The following PECAM1 variants were observed in gnomAD, a reference collection of about 807,000 sequenced individuals.
The protein encoded by PECAM1 is platelet endothelial cell adhesion molecule.
Under a neutral mutation model 13.8 loss-of-function variants are expected in PECAM1, and 8 were observed. The ratio of observed to expected loss-of-function variants is 0.58; its 90% confidence interval spans 0.34 to 1.05. The LOEUF (loss-of-function observed/expected upper bound fraction) is 1.05, where lower values mean the gene tolerates loss of function less well. PECAM1 is among the 50% of genes least tolerant of loss of function. The pLI, the probability that PECAM1 is intolerant of heterozygous loss-of-function variation, is 0.03. For synonymous variants in PECAM1, 136 were observed against 52.6 expected (o/e 2.58, Z -6.86); for missense variants, 304 against 141.2 (o/e 2.15, Z -5.84).
At chr17:64,383,131 C>A (rs955173426) in intron 2 of PECAM1, among the ~76,000 whole-genome samples, 17 of 152,316 alleles carry the variant, frequency 1.1e-4, no homozygotes, top group African/African-American at 3.6e-4. Flanking sequence ...CACTCCACTG[C>A]GTGCTCTCCA....
chr17:64,386,658 G>A (rs970330127), intron 2 of PECAM1, among the ~76,000 whole-genome samples: 1 of 151,982 alleles, frequency 6.6e-6, no homozygotes, highest in Non-Finnish European at 1.5e-5. Context: ...GCAGCTGGGT[G>A]TGGTGGCTCA....
chr17:64,376,952 G>T (rs2036372663), intron 3 of PECAM1, among the ~76,000 whole-genome samples: 1 of 152,026 alleles, frequency 6.6e-6, no homozygotes, highest in African/African-American at 2.4e-5. Context: ...CTTTAGCCTG[G>T]GTGACAGAGG....
Position 64,323,470 on chromosome 17 carries a change from A to G in PECAM1, c.*346T>C. The G allele has an allele frequency of 8.1e-7, 1 of 1,233,420 alleles. No homozygotes were observed. The highest frequency in any genetic ancestry group is 1.8e-5 in the South Asian group (1 of 56,606). 76.4% of individuals were successfully genotyped at this position (1,233,420 alleles called of 1,614,324 possible). On this transcript the variant is annotated 3_prime_UTR_variant, in exon 16 of 16. Coordinates refer to ENST00000563924, the MANE Select transcript of PECAM1 (RefSeq NM_000442.5). ...AATTGGTTTCTGTGTATGAGGGTGCATGGAAAAGGTCTTTATCTCTGCACA... is the reference window on the plus strand; with the variant it reads ...AATTGGTTTCTGTGTATGAGGGTGCGTGGAAAAGGTCTTTATCTCTGCACA...
At chr17:64,343,159 A>G (rs1426836131) in intron 13 of PECAM1, among the ~76,000 whole-genome samples, 2 of 152,102 alleles carry the variant, frequency 1.3e-5, no homozygotes, top group African/African-American at 2.4e-5. Flanking sequence ...TGCCATGGTC[A>G]GTGCATTTCC....
At chr17:64,347,744 T>A (rs1036092999) in intron 13 of PECAM1, among the ~76,000 whole-genome samples, 3 of 141,082 alleles carry the variant, frequency 2.1e-5, no homozygotes, top group Non-Finnish European at 3.0e-5. Context: ...ATATATATAT[T>A]TTTTGAGATG....
intron 14 of PECAM1, among the ~76,000 whole-genome samples, chr17:64,333,999 T>C (rs1161023785): frequency 2.2e-5 from 3 of 135,176 alleles, no homozygotes; most frequent in Non-Finnish European, 4.7e-5. Context: ...AATTCTACCA[T>C]ACATCTCTAG....
chr17:64,342,805 TAC>T (rs2035468130), intron 13 of PECAM1, among the ~76,000 whole-genome samples: 1 of 151,994 alleles, frequency 6.6e-6, no homozygotes, highest in South Asian at 2.1e-4. Flanking sequence ...TATACAAAAA[TAC>T]ACACACAGCA....
At chr17:64,353,443 T>C in intron 10 of PECAM1, 48 bp downstream of exon 10, 1 of 454,796 alleles carries the variant, frequency 2.2e-6, no homozygotes, top group Non-Finnish European at 4.0e-6. Flanking sequence ...TCCAGACATG[T>C]CCACCGTGCT....
At position 64,349,208 on chromosome 17, in the gene PECAM1, G is replaced by A. The variant is rs1456644920; in HGVS notation, c.2045-886C>T. Among the ~76,000 whole-genome samples the A allele has an allele frequency of 8.5e-5, 13 of 152,262 alleles. No homozygotes were observed. The East Asian group carries it at 2.5e-3, about 29-fold the overall frequency. ...AGCTAGAAAAGTAGTTTGTCTTCAA[G>A]TCAAAAATAACATTACTGTTTTGTT... On this transcript the variant is annotated intron_variant, in intron 12 of 15. Coordinates refer to ENST00000563924, the MANE Select transcript of PECAM1 (RefSeq NM_000442.5).
At chr17:64,326,268 G>C (rs1173698603) in intron 15 of PECAM1, among the ~76,000 whole-genome samples, 2 of 152,240 alleles carry the variant, frequency 1.3e-5, no homozygotes, top group African/African-American at 2.4e-5. Context: ...CAGCAAGGCA[G>C]AAGCTGGAGA....
chr17:64,359,513 G>C (rs2035924054), intron 7 of PECAM1, among the ~76,000 whole-genome samples: 1 of 152,160 alleles, frequency 6.6e-6, no homozygotes, highest in Non-Finnish European at 1.5e-5. Flanking sequence ...ACAATTCTCA[G>C]AACAGTGTAT....
chr17:64,383,762 G>T (rs1344965297), intron 2 of PECAM1, among the ~76,000 whole-genome samples: 1 of 152,134 alleles, frequency 6.6e-6, no homozygotes, highest in African/African-American at 2.4e-5. Context: ...TTTCCAGTAG[G>T]GATGGTACCC....
rs1385187481 is a variant in PECAM1 at position 64,345,542 on chromosome 17, GTC to G, written c.2107+2716_2107+2717del. Among the ~76,000 whole-genome samples the G allele has an allele frequency of 4.6e-5, 7 of 151,930 alleles. No individual in the cohort carries two copies. The South Asian group carries it at 1.5e-3, about 32-fold the overall frequency. ...AGCCTGGCCAACATGGTGAAACCCT[GTC>G]TCTACTAAAAATACAAAAATTAGCC... On this transcript the variant is annotated intron_variant, in intron 13 of 15. Coordinates refer to ENST00000563924, the MANE Select transcript of PECAM1 (RefSeq NM_000442.5).
chr17:64,373,853 C>T (rs2036296769), intron 4 of PECAM1, among the ~76,000 whole-genome samples: 1 of 152,072 alleles, frequency 6.6e-6, no homozygotes, highest in Non-Finnish European at 1.5e-5. Flanking sequence ...CATGGGTGTG[C>T]CTTCCCCTGA....
chr17:64,323,284 A>G lies in PECAM1; in HGVS notation c.*532T>C. The G allele has an allele frequency of 1.0e-6, 1 of 994,824 alleles. No homozygotes were observed. Among genetic ancestry groups the G allele is most frequent in the South Asian group, 4.5e-5 (1 of 22,410 alleles). 61.6% of individuals were successfully genotyped at this position (994,824 alleles called of 1,614,324 possible). Reference sequence around the variant, plus strand: ...CTGGTTTTCCCATTTGTGGAGGGCGAGGTCATAGAGGGGACAGGGGGAGGC... The same window carrying G: ...CTGGTTTTCCCATTTGTGGAGGGCGGGGTCATAGAGGGGACAGGGGGAGGC... On this transcript the variant is annotated 3_prime_UTR_variant, in exon 16 of 16. Coordinates refer to ENST00000563924, the MANE Select transcript of PECAM1 (RefSeq NM_000442.5).
intron 4 of PECAM1, 28 bp from the exon 5 acceptor site, chr17:64,370,053 G>T (rs2036205793): frequency 7.5e-6 from 3 of 398,464 alleles, no homozygotes; most frequent in Non-Finnish European, 1.3e-5. Flanking sequence ...AACCTGGTTG[G>T]ACTCAGGTGC....
At chr17:64,362,837 CAAAAA>C (rs1196660765) in intron 6 of PECAM1, among the ~76,000 whole-genome samples, 1 of 143,494 alleles carries the variant, frequency 7.0e-6, no homozygotes. Flanking sequence ...CGACACGTCT[CAAAAA>C]AAAAAAAAAG....
At chr17:64,334,727 TC>T (rs2035224941) in intron 14 of PECAM1, among the ~76,000 whole-genome samples, 1 of 152,086 alleles carries the variant, frequency 6.6e-6, no homozygotes, top group Non-Finnish European at 1.5e-5. Flanking sequence ...CAGGATGGTC[TC>T]GATCTCCTGA....
intron 13 of PECAM1, among the ~76,000 whole-genome samples, chr17:64,345,578 T>C (rs1254389498): frequency 6.6e-6 from 1 of 151,348 alleles, no homozygotes; most frequent in East Asian, 1.9e-4. Flanking sequence ...CCGGGGATGG[T>C]GGTGGGCGCC....
Sources: allele counts gnomAD v4.1 joint callset (sites outside exome capture counted in the v4.1 genomes callset), GRCh38; gene constraint gnomAD v4.1.1; transcripts MANE v1.5; gene names NCBI Gene and HGNC (gene_info 2026-07-23, HGNC 2026-07-21).